TENM2: variants seen among roughly 807,000 people sequenced by gnomAD.
TENM2 encodes the protein teneurin transmembrane protein 2, also known as teneurin-2.
Under a neutral mutation model 245.2 loss-of-function variants are expected in TENM2, and 52 were observed. The ratio of observed to expected loss-of-function variants is 0.21; its 90% CI spans 0.17 to 0.27. The LOEUF (loss-of-function observed/expected upper bound fraction) is 0.27. TENM2 is among the 10% of genes least tolerant of loss of function. The pLI is 1.00. For missense variants in TENM2, 3,046 were observed against 3,666.8 expected, an observed-to-expected ratio of 0.83 and a Z score of 4.37; for synonymous variants, 1,363 against 1,438.9, an observed-to-expected ratio of 0.95 and a Z score of 1.19.
chr5:168,209,109 G>A (rs1263547303), intron 19 of TENM2, among the ~76,000 whole-genome samples: 1 of 152,056 alleles, frequency 6.6e-6, no homozygotes, highest in Non-Finnish European at 1.5e-5. Context: ...TCTTTAGTAG[G>A]GCTGATCAAA....
chr5:167,147,680 C>T, the TENM2 span, among the ~76,000 whole-genome samples: 51 of 152,206 alleles, frequency 3.4e-4, no homozygotes, highest in African/African-American at 1.2e-3. Flanking sequence ...ATTTAGGAAA[C>T]ACCCGTAAGT....
At chr5:167,246,528 G>A in the TENM2 span, among the ~76,000 whole-genome samples, 6 of 151,960 alleles carry the variant, frequency 3.9e-5, no homozygotes, top group East Asian at 1.2e-3. Flanking sequence ...TATTTCTATA[G>A]TATTATATTA....
At chr5:167,204,316 T>A in the TENM2 span, among the ~76,000 whole-genome samples, 1 of 152,260 alleles carries the variant, frequency 6.6e-6, no homozygotes, top group South Asian at 2.1e-4. Context: ...CCAAAGAAAG[T>A]AATTGAGGCA....
At chr5:167,490,999 C>T (rs555615688) in intron 2 of TENM2, among the ~76,000 whole-genome samples, 38 of 152,248 alleles carry the variant, frequency 2.5e-4, no homozygotes, top group Admixed American at 2.3e-3. Context: ...GTAAAAATCG[C>T]ATGGGTCATG....
chr5:168,127,246 C>T (rs1039152971), intron 12 of TENM2, among the ~76,000 whole-genome samples: 11 of 152,206 alleles, frequency 7.2e-5, no homozygotes, highest in African/African-American at 2.7e-4. Context: ...GGGAAACTGT[C>T]GGTGTCTGGG....
chr5:167,902,822 G>C (rs1002921630), intron 3 of TENM2, among the ~76,000 whole-genome samples: 1 of 152,164 alleles, frequency 6.6e-6, no homozygotes, highest in Non-Finnish European at 1.5e-5. Context: ...AAAGGAGCAG[G>C]ACATTTAGGT....
At chr5:167,085,507 T>C in the TENM2 span, among the ~76,000 whole-genome samples, 1 of 152,290 alleles carries the variant, frequency 6.6e-6, no homozygotes, top group Admixed American at 6.5e-5. Flanking sequence ...CTAGGCAATA[T>C]GTAATGTTCT....
chr5:167,606,630 G>C (rs749501339), intron 2 of TENM2, among the ~76,000 whole-genome samples: 9 of 151,984 alleles, frequency 5.9e-5, no homozygotes, highest in Non-Finnish European at 1.2e-4. Context: ...TCCCAACCCC[G>C]ACTACACATT....
intron 13 of TENM2, among the ~76,000 whole-genome samples, chr5:168,179,598 G>A (rs765789942): frequency 6.6e-6 from 1 of 152,172 alleles, no homozygotes; most frequent in African/African-American, 2.4e-5. Context: ...ATGGCAGAGG[G>A]TACAACAGGC....
chr5:167,630,869 T>C (rs1778820917), intron 2 of TENM2, among the ~76,000 whole-genome samples: 1 of 152,336 alleles, frequency 6.6e-6, no homozygotes, highest in South Asian at 2.1e-4. Flanking sequence ...AATTGTCACC[T>C]GAGGCAAAAT....
chr5:167,945,842 T>C (rs778397788), intron 3 of TENM2, among the ~76,000 whole-genome samples: 15 of 152,172 alleles, frequency 9.9e-5, no homozygotes, highest in Non-Finnish European at 1.8e-4. Context: ...GATACAGGCC[T>C]GTGCAACCCA....
chr5:168,012,807 T>A (rs1581054722), intron 5 of TENM2, among the ~76,000 whole-genome samples: 1 of 131,360 alleles, frequency 7.6e-6, no homozygotes, highest in Admixed American at 8.2e-5. Context: ...ACCCTAACAG[T>A]GGTTTATATT....
chr5:168,014,416 C>G (rs1785499618), intron 5 of TENM2, among the ~76,000 whole-genome samples: 3 of 152,152 alleles, frequency 2.0e-5, no homozygotes, highest in Non-Finnish European at 4.4e-5. Context: ...GTGCGCTGGC[C>G]TCTGAGTCCT....
At chr5:167,703,475 T>C (rs1000229049) in intron 2 of TENM2, among the ~76,000 whole-genome samples, 1 of 139,490 alleles carries the variant, frequency 7.2e-6, no homozygotes, top group African/African-American at 2.7e-5. Flanking sequence ...GAGGTTGCAG[T>C]GAGCCAAGAT....
chr5:166,997,778 A>G, the TENM2 span, among the ~76,000 whole-genome samples: 1 of 152,190 alleles, frequency 6.6e-6, no homozygotes, highest in Non-Finnish European at 1.5e-5. Context: ...TGAGTCATTG[A>G]TCAACTCAGC....
chr5:168,126,818 G>C, exon 12 of TENM2: 1 of 1,613,444 alleles, frequency 6.2e-7, no homozygotes, highest in Non-Finnish European at 8.5e-7. Flanking sequence ...GCTGTGAAGA[G>C]GGCTGGACAG....
chr5:168,224,771 A>C (rs1764003469), intron 23 of TENM2, among the ~76,000 whole-genome samples: 1 of 152,002 alleles, frequency 6.6e-6, no homozygotes, highest in African/African-American at 2.4e-5. Context: ...CCTCCAAGCA[A>C]AATGTCTTCA....
intron 12 of TENM2, among the ~76,000 whole-genome samples, chr5:168,158,043 C>T (rs1347738923): frequency 6.6e-6 from 1 of 152,136 alleles, no homozygotes; most frequent in East Asian, 1.9e-4. Context: ...CAGCCTCAGC[C>T]TCCTGAGAAG....
At chr5:168,075,219 G>A (rs1418930872) in intron 7 of TENM2, among the ~76,000 whole-genome samples, 1 of 152,132 alleles carries the variant, frequency 6.6e-6, no homozygotes, top group African/African-American at 2.4e-5. Context: ...ACTTCACTTA[G>A]AATAATGGTC....
Sources: allele counts gnomAD v4.1 joint callset (sites outside exome capture counted in the v4.1 genomes callset), GRCh38; gene constraint gnomAD v4.1.1; transcripts MANE v1.5; gene names NCBI Gene and HGNC (gene_info 2026-07-23, HGNC 2026-07-21).